Variants in PCDH15 observed in about 807,000 individuals in gnomAD.
The protein encoded by PCDH15 is protocadherin related 15.
In PCDH15, 129 loss-of-function variants were observed where a neutral mutation model predicts 178.5. The observed-to-expected ratio is 0.72, with a 90% CI of 0.63 to 0.84. The LOEUF (loss-of-function observed/expected upper bound fraction) is 0.84. Among genes scored for constraint, PCDH15 ranks in the 40% least tolerant of loss-of-function variants. The pLI is 0.00. For synonymous variants in PCDH15, 800 were observed against 732.0 expected, an observed-to-expected ratio of 1.09 and a Z score of -1.50; for missense variants, 2,230 against 2,099.9, an observed-to-expected ratio of 1.06 and a Z score of -1.21.
At chr10:55,278,575 A>G (rs984475059) in intron 1 of PCDH15, among the ~76,000 whole-genome samples, 20 of 152,194 alleles carry the variant, frequency 1.3e-4, no homozygotes, top group Non-Finnish European at 2.6e-4. Context: ...TGTTCAGACA[A>G]TGATCAGTTT....
chr10:55,530,609 C>T (rs1422544723), intron 2 of PCDH15, among the ~76,000 whole-genome samples: 1 of 151,812 alleles, frequency 6.6e-6, no homozygotes. Context: ...CAACATAAGT[C>T]CCTGAATTAA....
At chr10:54,672,684 G>A (rs974034966) in intron 1 of PCDH15, among the ~76,000 whole-genome samples, 1 of 151,936 alleles carries the variant, frequency 6.6e-6, no homozygotes, top group East Asian at 1.9e-4. Context: ...ATTCCATATT[G>A]TTAATTATAT....
At chr10:54,788,483 A>G (rs1473450074) in intron 1 of PCDH15, among the ~76,000 whole-genome samples, 1 of 151,966 alleles carries the variant, frequency 6.6e-6, no homozygotes, top group East Asian at 1.9e-4. Context: ...TAAGAATTTA[A>G]CGGTAGATAA....
chr10:55,592,236 T>C (rs1173584821), intron 2 of PCDH15, among the ~76,000 whole-genome samples: 1 of 152,110 alleles, frequency 6.6e-6, no homozygotes, highest in Non-Finnish European at 1.5e-5. Flanking sequence ...AAATATACAA[T>C]GTATTATTTC....
chr10:55,090,208 T>C (rs1436329627), intron 2 of PCDH15, among the ~76,000 whole-genome samples: 1 of 151,992 alleles, frequency 6.6e-6, no homozygotes, highest in Non-Finnish European at 1.5e-5. Context: ...TCATCAGTTA[T>C]CAAAGAAAAG....
At position 53,822,954 on chromosome 10, in the gene PCDH15, C is replaced by CTATT. The variant is rs1554820690; in HGVS notation, c.4368-2728_4368-2725dup. On this transcript the variant is annotated intron_variant, in intron 32 of 37. Coordinates refer to ENST00000644397, the MANE Select transcript of PCDH15 (RefSeq NM_001384140.1). ...CTGCTGCAGATCTATGATCTCTGGT[C>CTATT]TATTTGGAACTTTCCTCATCAGCCT... 4.3e-6 allele frequency: 7 copies of CTATT among 1,613,942 alleles called. No homozygotes were observed. Among genetic ancestry groups the CTATT allele is most frequent in the African/African-American group, 1.3e-5 (1 of 74,922 alleles).
intron 18 of PCDH15, among the ~76,000 whole-genome samples, chr10:54,028,979 T>G (rs534058514): frequency 3.3e-5 from 5 of 152,094 alleles, no homozygotes; most frequent in African/African-American, 1.2e-4. Flanking sequence ...AGAAAGCTAC[T>G]CTAAAAATTT....
intron 1 of PCDH15, among the ~76,000 whole-genome samples, chr10:55,277,547 C>A (rs1842624751): frequency 6.6e-6 from 1 of 152,024 alleles, no homozygotes; most frequent in Non-Finnish European, 1.5e-5. Context: ...AACCTGTACA[C>A]CACTGTGATA....
At chr10:55,021,431 G>A (rs1208332738) in intron 2 of PCDH15, among the ~76,000 whole-genome samples, 2 of 152,160 alleles carry the variant, frequency 1.3e-5, no homozygotes, top group Non-Finnish European at 2.9e-5. Flanking sequence ...AAGAAGGGAT[G>A]GAGAGGAGCA....
At chr10:54,088,597 G>A (rs909447032) in intron 16 of PCDH15, among the ~76,000 whole-genome samples, 2 of 152,046 alleles carry the variant, frequency 1.3e-5, no homozygotes, top group East Asian at 3.9e-4. Context: ...TGCATTTTGT[G>A]TCATATCTCA....
rs1254020644 is a variant in PCDH15, at chr10:54,144,228, A to G, written c.1784+8872T>C. 2.6e-5 allele frequency among the ~76,000 whole-genome samples: 4 copies of G among 152,126 alleles called. No homozygotes were observed. The East Asian group carries it at 7.7e-4, about 29-fold the overall frequency. On this transcript the variant is annotated intron_variant, in intron 14 of 37. Coordinates refer to ENST00000644397, the MANE Select transcript of PCDH15 (RefSeq NM_001384140.1). ...CAGTATTAAGCAGCCAGAAAGACTGACAACCAGTTTCCCCATGATTGAAAA... is the reference window on the plus strand; with the variant it reads ...CAGTATTAAGCAGCCAGAAAGACTGGCAACCAGTTTCCCCATGATTGAAAA...
At chr10:54,483,871 C>T (rs1163345030) in intron 3 of PCDH15, among the ~76,000 whole-genome samples, 2 of 151,754 alleles carry the variant, frequency 1.3e-5, no homozygotes, top group African/African-American at 4.8e-5. Context: ...AATGTTTTGA[C>T]AAATAAGGGT....
At chr10:54,872,980 C>T (rs1016209384) in intron 3 of PCDH15, among the ~76,000 whole-genome samples, 1 of 151,790 alleles carries the variant, frequency 6.6e-6, no homozygotes, top group Admixed American at 6.6e-5. Context: ...TGTTCTAAGA[C>T]CCCTCTACAA....
chr10:54,327,211 A>C (rs1052429075), intron 7 of PCDH15, among the ~76,000 whole-genome samples: 4 of 151,876 alleles, frequency 2.6e-5, no homozygotes, highest in African/African-American at 9.7e-5. Flanking sequence ...TAGCTTACAA[A>C]TACCTTCCAC....
At chr10:54,904,480 A>T (rs1440534479) in intron 2 of PCDH15, among the ~76,000 whole-genome samples, 2 of 152,050 alleles carry the variant, frequency 1.3e-5, no homozygotes, top group East Asian at 3.9e-4. Context: ...TAAAAAAAAA[A>T]TCTCAGGTTG....
At chr10:54,039,938 T>C (rs2093503249) in intron 18 of PCDH15, among the ~76,000 whole-genome samples, 1 of 151,992 alleles carries the variant, frequency 6.6e-6, no homozygotes, top group South Asian at 2.1e-4. Context: ...TCTGTTTTCC[T>C]ACAATCTCTT....
At chr10:54,598,748 G>A (rs1227479851) in intron 2 of PCDH15, among the ~76,000 whole-genome samples, 3 of 151,922 alleles carry the variant, frequency 2.0e-5, no homozygotes, top group Non-Finnish European at 4.4e-5. Flanking sequence ...CGAAAGCTCT[G>A]TAAGCTGACA....
chr10:53,998,946 A>G (rs182562341), intron 20 of PCDH15, among the ~76,000 whole-genome samples: 16 of 150,868 alleles, frequency 1.1e-4, no homozygotes, highest in African/African-American at 3.9e-4. Flanking sequence ...CAGCTACTCG[A>G]GAGGCTGAGG....
chr10:55,337,714 A>G (rs1372890071), intron 2 of PCDH15, among the ~76,000 whole-genome samples: 1 of 152,208 alleles, frequency 6.6e-6, no homozygotes, highest in Admixed American at 6.5e-5. Flanking sequence ...GTTGTAGGAC[A>G]TGACCTTTTC....
Sources: allele counts gnomAD v4.1 joint callset (sites outside exome capture counted in the v4.1 genomes callset), GRCh38; gene constraint gnomAD v4.1.1; transcripts MANE v1.5; gene names NCBI Gene and HGNC (gene_info 2026-07-23, HGNC 2026-07-21).